Variants in COL25A1 observed in about 807,000 individuals in gnomAD.
The protein encoded by COL25A1 is collagen alpha-1(XXV) chain.
A neutral mutation model predicts 128.4 loss-of-function variants in COL25A1; 103 were observed. That is an observed-to-expected ratio of 0.80 (90% confidence interval 0.68 to 0.94). COL25A1 has a LOEUF of 0.94. COL25A1 is among the 40% of genes least tolerant of loss of function. The pLI, the probability that COL25A1 is intolerant of heterozygous loss-of-function variation, is 0.00. For missense variants in COL25A1, 745 were observed against 840.0 expected, an observed-to-expected ratio of 0.89 and a Z score of 1.40; for synonymous variants, 279 against 277.2, an observed-to-expected ratio of 1.01 and a Z score of -0.06.
At chr4:109,191,217 T>TA (rs1237228976) in intron 3 of COL25A1, among the ~76,000 whole-genome samples, 3 of 152,218 alleles carry the variant, frequency 2.0e-5, no homozygotes, top group Non-Finnish European at 4.4e-5. Context: ...AGTTTCGCAG[T>TA]AAATTCAGTG....
At chr4:108,847,986 T>C (rs1735312318) in intron 27 of COL25A1, among the ~76,000 whole-genome samples, 1 of 152,184 alleles carries the variant, frequency 6.6e-6, no homozygotes, top group Non-Finnish European at 1.5e-5. Flanking sequence ...AAATTAACCC[T>C]TTTGATTCCA....
intron 3 of COL25A1, among the ~76,000 whole-genome samples, chr4:109,164,030 T>C (rs1003840714): frequency 2.6e-5 from 4 of 152,016 alleles, no homozygotes; most frequent in Non-Finnish European, 5.9e-5. Flanking sequence ...TTACTGAAAA[T>C]TATGAATTAC....
At chr4:108,952,847 TTTTTTTTTTG>T (rs1290764768) in intron 8 of COL25A1, among the ~76,000 whole-genome samples, 11 of 143,146 alleles carry the variant, frequency 7.7e-5, no homozygotes, top group East Asian at 6.8e-4. Flanking sequence ...TTTTTTTTTT[TTTTTTTTTTG>T]GCATGTTTCA....
At chr4:109,239,656 A>G (rs1779747639) in intron 3 of COL25A1, among the ~76,000 whole-genome samples, 1 of 151,698 alleles carries the variant, frequency 6.6e-6, no homozygotes, top group African/African-American at 2.4e-5. Flanking sequence ...GTGAATGGGA[A>G]GGCCTAGGAC....
intron 8 of COL25A1, among the ~76,000 whole-genome samples, chr4:108,953,910 A>G (rs767328284): frequency 2.0e-5 from 3 of 152,148 alleles, no homozygotes; most frequent in Non-Finnish European, 4.4e-5. Flanking sequence ...ACTTAGCCCA[A>G]CTGATAGAAC....
rs148002901 is a variant in COL25A1 at position 108,954,577 on chromosome 4, G to A, written c.493-13140C>T. Among the ~76,000 whole-genome samples the A allele has an allele frequency of 8.3e-3, 1,266 of 151,886 alleles. 6 individuals are homozygous for A. Among genetic ancestry groups the A allele is most frequent in the Non-Finnish European group, 0.013 (889 of 67,852 alleles). On this transcript the variant is annotated intron_variant, in intron 8 of 37. Coordinates refer to ENST00000399132, the MANE Select transcript of COL25A1 (RefSeq NM_198721.4). ...CAAGAGTAAAGATTAGATTGTCTTC[G>A]TTACTGAAAATGAGGGCTCAAAATA...
intron 3 of COL25A1, among the ~76,000 whole-genome samples, chr4:109,054,724 C>T (rs1310643020): frequency 1.3e-5 from 2 of 152,102 alleles, no homozygotes; most frequent in African/African-American, 4.8e-5. Flanking sequence ...AAAATGGAGA[C>T]GTCACAGCAA....
chr4:109,097,837 T>C (rs1188478043), intron 3 of COL25A1, among the ~76,000 whole-genome samples: 1 of 151,770 alleles, frequency 6.6e-6, no homozygotes, highest in East Asian at 2.0e-4. Flanking sequence ...CTAATTTTTG[T>C]ATTTTTAACA....
intron 3 of COL25A1, among the ~76,000 whole-genome samples, chr4:109,291,691 G>C (rs1724487083): frequency 6.6e-6 from 1 of 151,940 alleles, no homozygotes; most frequent in South Asian, 2.1e-4. Context: ...TAAAAAATAA[G>C]TAAAAATATA....
intron 3 of COL25A1, among the ~76,000 whole-genome samples, chr4:109,125,755 A>G (rs1411600520): frequency 6.6e-6 from 1 of 152,130 alleles, no homozygotes; most frequent in African/African-American, 2.4e-5. Flanking sequence ...TCCTGTAGGA[A>G]AGAGGTAACA....
chr4:109,282,339 C>T (rs547893308), intron 3 of COL25A1, among the ~76,000 whole-genome samples: 34 of 152,116 alleles, frequency 2.2e-4, no homozygotes, highest in Non-Finnish European at 7.4e-5. Context: ...TTATTATTAA[C>T]AAAGATACTC....
intron 3 of COL25A1, among the ~76,000 whole-genome samples, chr4:109,264,975 T>C (rs564375597): frequency 2.6e-5 from 4 of 152,226 alleles, no homozygotes; most frequent in Admixed American, 1.3e-4. Flanking sequence ...TAATTTCTTT[T>C]AGCATAATTT....
At chr4:109,217,500 C>T (rs1001005941) in intron 3 of COL25A1, among the ~76,000 whole-genome samples, 4 of 142,254 alleles carry the variant, frequency 2.8e-5, no homozygotes, top group Admixed American at 1.4e-4. Context: ...CGATTAATAA[C>T]CTATTAATAA....
chr4:108,813,897 C>T lies in COL25A1; in HGVS notation c.*30G>A, dbSNP rs1731006010. ...AATATTAAAAATGGACCCTTATATA[C>T]ACAACTTCATGCTTGAAAGGTTAGA... On this transcript the variant is annotated 3_prime_UTR_variant, in exon 38 of 38. Coordinates refer to ENST00000399132, the MANE Select transcript of COL25A1 (RefSeq NM_198721.4). 5 of 1,572,678 alleles carry T rather than the reference C, an allele frequency of 3.2e-6. No individual in the cohort carries two copies. Among genetic ancestry groups the T allele is most frequent in the South Asian group, 2.3e-5 (2 of 88,428 alleles).
chr4:109,171,741 G>T (rs1773607877), intron 3 of COL25A1, among the ~76,000 whole-genome samples: 1 of 152,126 alleles, frequency 6.6e-6, no homozygotes, highest in East Asian at 1.9e-4. Flanking sequence ...ACATATGTTT[G>T]TAGAACAAAT....
Position 108,882,107 on chromosome 4 carries a change from C to T in COL25A1, c.1020+2071G>A, listed in dbSNP as rs146356946. On this transcript the variant is annotated intron_variant, in intron 19 of 37. Transcript: ENST00000399132. Reference sequence around the variant, plus strand: ...GAATAAAAGCATTTGCTAGAGGTGGCAAATCGTTTAACATCCCTCCCAACT... The same window carrying T: ...GAATAAAAGCATTTGCTAGAGGTGGTAAATCGTTTAACATCCCTCCCAACT... 3.0e-3 allele frequency among the ~76,000 whole-genome samples: 463 copies of T among 152,204 alleles called. 3 individuals carry two copies. Among genetic ancestry groups the T allele is most frequent in the African/African-American group, 0.01 (435 of 41,516 alleles).
intron 3 of COL25A1, among the ~76,000 whole-genome samples, chr4:109,231,088 G>T (rs775727056): frequency 6.6e-6 from 1 of 152,042 alleles, no homozygotes; most frequent in Non-Finnish European, 1.5e-5. Context: ...GCAGTGAACC[G>T]AGATAGAGTG....
At chr4:108,912,324 G>A (rs2125885555) in intron 13 of COL25A1, among the ~76,000 whole-genome samples, 1 of 152,080 alleles carries the variant, frequency 6.6e-6, no homozygotes, top group Middle Eastern at 3.4e-3. Flanking sequence ...CGTACTCTTG[G>A]AATTCTAATC....
At chr4:108,946,681 G>A (rs557542890) in intron 8 of COL25A1, among the ~76,000 whole-genome samples, 264 of 152,194 alleles carry the variant, frequency 1.7e-3, no homozygotes, top group African/African-American at 6.2e-3. Context: ...AGAGTGATAA[G>A]TATTATGGTG....
Sources: allele counts gnomAD v4.1 joint callset (sites outside exome capture counted in the v4.1 genomes callset), GRCh38; gene constraint gnomAD v4.1.1; transcripts MANE v1.5; gene names NCBI Gene and HGNC (gene_info 2026-07-23, HGNC 2026-07-21).